Variants in MOCS1 observed in about 807,000 individuals in gnomAD.
MOCS1 encodes the protein molybdenum cofactor biosynthesis protein 1.
Under a neutral mutation model 57.6 loss-of-function variants are expected in MOCS1, and 39 were observed. The ratio of observed to expected loss-of-function variants is 0.68; its 90% confidence interval spans 0.52 to 0.88. The LOEUF is 0.88. Ranked by LOEUF, MOCS1 falls within the 40% of genes least tolerant of loss-of-function variation. MOCS1 has a pLI of 0.00. For synonymous variants in MOCS1, 334 were observed against 335.7 expected (o/e 1.00, Z 0.05); for missense variants, 795 against 831.1 (o/e 0.96, Z 0.53).
intron 3 of MOCS1, among the ~76,000 whole-genome samples, chr6:39,918,838 T>TA (rs34566284): frequency 0.16 from 23,624 of 145,822 alleles, 2,193 homozygotes; most frequent in African/African-American, 0.27. Context: ...ATTACTTTTG[T>TA]AAAAAAAAAA....
rs1362492249 is a variant in MOCS1, at chr6:39,905,318, T to G, written c.*1039A>C. The G allele has an allele frequency of 2.2e-6, 1 of 456,382 alleles. No homozygotes were observed. 28.3% of individuals were successfully genotyped at this position (456,382 alleles called of 1,614,324 possible). A position where few individuals can be genotyped will look rare whatever the true frequency, so the allele number is the denominator to read the frequency against. On this transcript the variant is annotated 3_prime_UTR_variant, in exon 11 of 11. Transcript: ENST00000340692. Reference sequence around the variant, plus strand: ...CAAAAGATTTCCCTTAGATGGTGCATTTCTATGCCCCCTACTCCACTTTAT... The same window carrying G: ...CAAAAGATTTCCCTTAGATGGTGCAGTTCTATGCCCCCTACTCCACTTTAT...
At position 39,905,948 on chromosome 6, in the gene MOCS1, T is replaced by C. The variant is rs1258355540; in HGVS notation, c.*409A>G. On this transcript the variant is annotated 3_prime_UTR_variant, in exon 11 of 11. Transcript: ENST00000340692. ...CTCTCCTCAAAGTGGGCTCCTCTGC[T>C]TAATGAGCGCTTAATCTCTCCCCAG... The C allele has an allele frequency of 4.3e-6, 2 of 467,498 alleles. No homozygotes were observed. Among genetic ancestry groups the C allele is most frequent in the Non-Finnish European group, 8.6e-6 (2 of 231,894 alleles). The allele number at this position is 467,498 out of a possible 1,614,324, so 29.0% of individuals were successfully genotyped here.
At chr6:39,932,821 G>A (rs60548324) in intron 1 of MOCS1, among the ~76,000 whole-genome samples, 6,685 of 152,256 alleles carry the variant, frequency 0.044, 453 homozygotes, top group African/African-American at 0.15. Context: ...GTTAACATAC[G>A]TTAACTCTTT....
intron 3 of MOCS1, among the ~76,000 whole-genome samples, chr6:39,918,158 T>G (rs1767767852): frequency 6.6e-6 from 1 of 152,240 alleles, no homozygotes; most frequent in South Asian, 2.1e-4. Flanking sequence ...GAATTTTAGC[T>G]GACCTTTGCT....
intron 1 of MOCS1, among the ~76,000 whole-genome samples, chr6:39,930,977 T>C (rs1768614402): frequency 6.6e-6 from 1 of 152,226 alleles, no homozygotes. Context: ...CACTGTTGTG[T>C]GCTGTGATCA....
intron 8 of MOCS1, among the ~76,000 whole-genome samples, chr6:39,911,384 G>A (rs939625763): frequency 1.3e-5 from 2 of 152,006 alleles, no homozygotes; most frequent in African/African-American, 4.8e-5. Flanking sequence ...CTCCTTCCGC[G>A]AACATTACCA....
chr6:39,933,576 C>T (rs112142574), intron 1 of MOCS1, among the ~76,000 whole-genome samples: 3 of 152,116 alleles, frequency 2.0e-5, no homozygotes, highest in East Asian at 1.9e-4. Flanking sequence ...CTTTTCCCCC[C>T]AAATTATTCC....
chr6:39,921,227 G>A (rs189886631), intron 3 of MOCS1, among the ~76,000 whole-genome samples: 8 of 151,616 alleles, frequency 5.3e-5, no homozygotes, highest in Admixed American at 3.9e-4. Flanking sequence ...GTGAAACCCC[G>A]CCTCTACTAA....
rs768462699 is a variant in MOCS1 at position 39,906,289 on chromosome 6, T to TA, written c.*67_*68insT. On this transcript the variant is annotated 3_prime_UTR_variant, in exon 11 of 11. Coordinates refer to ENST00000340692, the MANE Select transcript of MOCS1 (RefSeq NM_001358530.2). ...TGACTGTGATTAAAGGAACCTGACG[T>TA]CTTTCCCTCAGCCTACATTGCATCC... 1 of 1,585,704 alleles carries TA rather than the reference T, an allele frequency of 6.3e-7. No individual in the cohort carries two copies.
chr6:39,919,489 AAAACAAAAAAC>A (rs997224341), intron 3 of MOCS1, among the ~76,000 whole-genome samples: 68 of 144,340 alleles, frequency 4.7e-4, no homozygotes, highest in African/African-American at 1.6e-3. Context: ...CTCTGTCTCA[AAAACAAAAAAC>A]AAACAAAAAA....
chr6:39,923,177 C>A (rs914990686), intron 3 of MOCS1, among the ~76,000 whole-genome samples: 6 of 152,224 alleles, frequency 3.9e-5, no homozygotes, highest in Admixed American at 3.9e-4. Context: ...GCAAGCGGGG[C>A]CTTGTCCTAA....
At chr6:39,917,529 T>G (rs1212507156) in intron 3 of MOCS1, among the ~76,000 whole-genome samples, 2 of 152,016 alleles carry the variant, frequency 1.3e-5, no homozygotes, top group Non-Finnish European at 2.9e-5. Flanking sequence ...CTCCACAACC[T>G]TGGAGCAACC....
chr6:39,910,844 C>G (rs1272626809), intron 8 of MOCS1, among the ~76,000 whole-genome samples: 1 of 151,290 alleles, frequency 6.6e-6, no homozygotes, highest in Non-Finnish European at 1.5e-5. Flanking sequence ...CCCCAGCTGG[C>G]TCCTGCCTGG....
intron 4 of MOCS1, among the ~76,000 whole-genome samples, chr6:39,915,676 C>A (rs544996368): frequency 2.0e-5 from 3 of 152,244 alleles, no homozygotes; most frequent in African/African-American, 4.8e-5. Context: ...GCAGCATACA[C>A]CCAGACCCTG....
intron 4 of MOCS1, among the ~76,000 whole-genome samples, chr6:39,915,198 C>G (rs2048536613): frequency 6.6e-6 from 1 of 152,186 alleles, no homozygotes; most frequent in African/African-American, 2.4e-5. Context: ...CTTCTGTCCC[C>G]TCCACAGCAC....
chr6:39,931,807 C>T (rs555656102), intron 1 of MOCS1, among the ~76,000 whole-genome samples: 164 of 152,294 alleles, frequency 1.1e-3, no homozygotes, highest in African/African-American at 3.9e-3. Flanking sequence ...ACCCTCCCTG[C>T]TTCCCCCGCC....
chr6:39,904,486 A>G lies in MOCS1; in HGVS notation c.*1871T>C, dbSNP rs1276538792. The G allele has an allele frequency of 1.3e-5, 6 of 454,368 alleles. No individual in the cohort carries two copies. Among genetic ancestry groups the G allele is most frequent in the Non-Finnish European group, 2.6e-5 (6 of 226,972 alleles). 28.1% of individuals were successfully genotyped at this position (454,368 alleles called of 1,614,324 possible). A position where few individuals can be genotyped will look rare whatever the true frequency, so the allele number is the denominator to read the frequency against. ...TCCCCACTGCTCCTGCCACCTTTAGATAAGTTTCTCTAGCTAATTTTGTGG... is the reference window on the plus strand; with the variant it reads ...TCCCCACTGCTCCTGCCACCTTTAGGTAAGTTTCTCTAGCTAATTTTGTGG... On this transcript the variant is annotated 3_prime_UTR_variant, in exon 11 of 11. Transcript: ENST00000340692.
Position 39,931,356 on chromosome 6 carries a change from G to A in MOCS1, c.123+2939C>T, listed in dbSNP as rs528277321. 2.0e-5 allele frequency among the ~76,000 whole-genome samples: 3 copies of A among 151,428 alleles called. No individual in the cohort carries two copies. In the East Asian group the frequency reaches 5.9e-4, roughly 30 times the overall value. ...TCCAAAGTCTAAACAGAGCAGCAGG[G>A]TTATTCGAGAGGAAAAAAAGCACAT... On this transcript the variant is annotated intron_variant, in intron 1 of 10. Coordinates refer to ENST00000340692, the MANE Select transcript of MOCS1 (RefSeq NM_001358530.2).
intron 3 of MOCS1, among the ~76,000 whole-genome samples, chr6:39,924,784 G>C (rs552103537): frequency 6.6e-6 from 1 of 152,268 alleles, no homozygotes. Context: ...TTATTTAGGA[G>C]CATAAAAACC....
Sources: gnomAD v4.1 joint callset for allele counts (sites outside exome capture counted in the v4.1 genomes callset) on GRCh38, gnomAD v4.1.1 for gene constraint, MANE v1.5 for transcripts, NCBI Gene and HGNC (gene_info 2026-07-23, HGNC 2026-07-21) for gene names.